PSME2: variants seen among roughly 807,000 people sequenced by gnomAD.
PSME2 encodes the protein proteasome activator complex subunit 2.
Under a neutral mutation model 38.8 loss-of-function variants are expected in PSME2, and 20 were observed. The observed-to-expected ratio is 0.52, with a 90% CI of 0.36 to 0.75. PSME2 has a LOEUF of 0.75. PSME2 is among the 30% of genes least tolerant of loss of function. The pLI, the probability that PSME2 is intolerant of heterozygous loss-of-function variation, is 0.00. For missense variants in PSME2, 227 were observed against 287.6 expected (o/e 0.79, Z 1.52); for synonymous variants, 82 against 102.5 (o/e 0.80, Z 1.21).
In PSME2 at chr14:24,143,533, C is replaced by T. The variant is rs2038107281; in HGVS notation, c.640-44G>A. 1.2e-5 allele frequency: 19 copies of T among 1,612,500 alleles called. No individual in the cohort carries two copies. The highest frequency in any genetic ancestry group is 1.6e-5 in the Non-Finnish European group (19 of 1,178,614). ...GCAAGAGTCAGGTTCTTAGCCAATC[C>T]CCTGCCTGCCCCCACTCATCCACCT... On this transcript the variant is annotated intron_variant, in intron 10 of 10. Transcript: ENST00000216802. This position sits in a 1 kb window ranked among gnomAD's most constrained non-coding sequence, Gnocchi z 4.4.
chr14:24,145,037 TCCC>T lies in PSME2; in HGVS notation c.360+18_360+20del. ...ACCTTGTGTGTCTTCTCTTTCTGCT[TCCC>T]CCATTTCCCAGGCTTACCAGAATGC... On this transcript the variant is annotated intron_variant, in intron 6 of 10. Coordinates refer to ENST00000216802, the MANE Select transcript of PSME2 (RefSeq NM_002818.3). 1 of 1,592,410 alleles carries T rather than the reference TCCC, an allele frequency of 6.3e-7. No homozygotes were observed.
At position 24,143,549 on chromosome 14, in the gene PSME2, T is replaced by A; in HGVS notation, c.639+36A>T. On this transcript the variant is annotated intron_variant, in intron 10 of 10. Coordinates refer to ENST00000216802, the MANE Select transcript of PSME2 (RefSeq NM_002818.3). The surrounding 1 kb of genome is among the most constrained non-coding windows in gnomAD (Gnocchi z 4.4). ...TAGCCAATCCCCTGCCTGCCCCCACTCATCCACCTCCCCTAAAGCCTTACT... is the reference window on the plus strand; with the variant it reads ...TAGCCAATCCCCTGCCTGCCCCCACACATCCACCTCCCCTAAAGCCTTACT... 1 of 1,612,834 alleles carries A rather than the reference T, an allele frequency of 6.2e-7. No homozygotes were observed. The highest frequency in any genetic ancestry group is 8.5e-7 in the Non-Finnish European group (1 of 1,178,924).
Position 24,144,219 on chromosome 14 carries a change from A to C in PSME2, c.470T>G (p.Val157Gly), listed in dbSNP as rs777382502. The C allele has an allele frequency of 6.2e-7, 1 of 1,614,126 alleles. No individual in the cohort carries two copies. The highest frequency in any genetic ancestry group is 8.5e-7 in the Non-Finnish European group (1 of 1,180,022). ...LERVNAVKTK[V>G]EAFQTTISKY... The stretch of plus-strand genomic sequence containing the variant: ...GGAAATGGTTGTCTGGAAAGCTTCC[A>C]CTTTGGTCTTGACGGCATTCACCCT... Residue 157 changes from valine to glycine, a missense_variant, in exon 8 of 11, where the codon GTG becomes GGG. Physicochemically the swap from Val to Gly is moderately radical, Grantham distance 109. Around this residue, in one of 3 missense-constraint regions of PSME2, gnomAD observed 99 missense variants for 113.9 expected, o/e 0.87. Coordinates refer to ENST00000216802, the MANE Select transcript of PSME2 (RefSeq NM_002818.3).
intron 6 of PSME2, 94 bp from the exon 7 acceptor site, chr14:24,144,562 G>T: frequency 1.6e-6 from 2 of 1,223,442 alleles, no homozygotes; most frequent in South Asian, 1.2e-5. Flanking sequence ...ATTTAATTGG[G>T]TACTTATTAC....
chr14:24,143,506 G>A lies in PSME2; in HGVS notation c.640-17C>T. 6.2e-7 allele frequency: 1 copy of A among 1,613,936 alleles called. No individual in the cohort carries two copies. Among genetic ancestry groups the A allele is most frequent in the South Asian group, 1.1e-5 (1 of 91,068 alleles). On this transcript the variant is annotated splice_polypyrimidine_tract_variant and intron_variant, in intron 10 of 10. Transcript: ENST00000216802. This position sits in a 1 kb window ranked among gnomAD's most constrained non-coding sequence, Gnocchi z 4.4. Reference sequence around the variant, plus strand: ...AAGCTCAGCCTGGGAGAAGGCCAGAGTGCAAGAGTCAGGTTCTTAGCCAAT... The same window carrying A: ...AAGCTCAGCCTGGGAGAAGGCCAGAATGCAAGAGTCAGGTTCTTAGCCAAT...
chr14:24,143,560 C>G lies in PSME2; in HGVS notation c.639+25G>C, dbSNP rs1213045058. On this transcript the variant is annotated intron_variant, in intron 10 of 10. Coordinates refer to ENST00000216802, the MANE Select transcript of PSME2 (RefSeq NM_002818.3). This position sits in a 1 kb window ranked among gnomAD's most constrained non-coding sequence, Gnocchi z 4.4. ...CTGCCTGCCCCCACTCATCCACCTCCCCTAAAGCCTTACTCCACACTCACA... is the reference window on the plus strand; with the variant it reads ...CTGCCTGCCCCCACTCATCCACCTCGCCTAAAGCCTTACTCCACACTCACA... 6.2e-7 allele frequency: 1 copy of G among 1,613,568 alleles called. No individual in the cohort carries two copies. The highest frequency in any genetic ancestry group is 1.1e-5 in the South Asian group (1 of 91,064).
At chr14:24,146,270 T>C in intron 1 of PSME2, 30 bp from the exon 2 acceptor site, 1 of 1,613,054 alleles carries the variant, frequency 6.2e-7, no homozygotes, top group Non-Finnish European at 8.5e-7. Context: ...CGGATGTTGG[T>C]TAAGGGTCTG....
Position 24,143,817 on chromosome 14 carries a change from G to A in PSME2, c.553-146C>T. 8 of 1,269,306 alleles carry A rather than the reference G, an allele frequency of 6.3e-6. No homozygotes were observed. The South Asian group carries it at 9.0e-5, about 14-fold the overall frequency. 78.6% of individuals were successfully genotyped at this position (1,269,306 alleles called of 1,614,324 possible). A position where few individuals can be genotyped will look rare whatever the true frequency, so the allele number is the denominator to read the frequency against. ...ATCCCAAAGGACTGAGCAGAGAAAAGGGTCAAGGTTGTTGAAGCCCAAACC... is the reference window on the plus strand; with the variant it reads ...ATCCCAAAGGACTGAGCAGAGAAAAAGGTCAAGGTTGTTGAAGCCCAAACC... On this transcript the variant is annotated intron_variant, in intron 9 of 10. Transcript: ENST00000216802. This position sits in a 1 kb window ranked among gnomAD's most constrained non-coding sequence, Gnocchi z 4.4.
rs1343807831 is a variant in PSME2, at chr14:24,143,470, A to C, written c.659T>G (p.Ile220Ser). The change falls in exon 11 of 11, where the codon ATC (isoleucine) becomes AGC (serine). Residue 220 changes from isoleucine (I) to serine (S), a missense_variant. Coordinates refer to ENST00000216802, the MANE Select transcript of PSME2 (RefSeq NM_002818.3). The surrounding 1 kb of genome is among the most constrained non-coding windows in gnomAD (Gnocchi z 4.4). ...GACAATTTTCTCCAGGTTGCTGCTGATGATATGATAAAGCTCAGCCTGGGA... is the reference window on the plus strand; with the variant it reads ...GACAATTTTCTCCAGGTTGCTGCTGCTGATATGATAAAGCTCAGCCTGGGA... Reference protein sequence around the residue: ...RAFYAELYHIISSNLEKIVNP... With the variant: ...RAFYAELYHISSSNLEKIVNP... The C allele has an allele frequency of 6.2e-7, 1 of 1,614,168 alleles. No individual in the cohort carries two copies. The highest frequency in any genetic ancestry group is 8.5e-7 in the Non-Finnish European group (1 of 1,180,028).
rs2038109927 is a variant in PSME2 at position 24,143,672 on chromosome 14, C to T, written c.553-1G>A. The stretch of plus-strand genomic sequence containing the variant: ...CATGCACCAAGGCCCGGTAATCCAT[C>T]TGCAATGTGGGAGGCAAAGCTGAGT... On this transcript the variant is annotated splice_acceptor_variant, in intron 9 of 10. Transcript: ENST00000216802. LOFTEE classifies it high-confidence loss of function. The surrounding 1 kb of genome is among the most constrained non-coding windows in gnomAD (Gnocchi z 4.4). 1 of 1,614,114 alleles carries T rather than the reference C, an allele frequency of 6.2e-7. No homozygotes were observed. The highest frequency in any genetic ancestry group is 8.5e-7 in the Non-Finnish European group (1 of 1,180,024).
chr14:24,144,146 G>C (rs1285337127), intron 8 of PSME2, 46 bp downstream of exon 8: 1 of 1,613,078 alleles, frequency 6.2e-7, no homozygotes, highest in Admixed American at 1.7e-5. Context: ...GGGTCCCAAA[G>C]AAATGCTCCT....
In PSME2 at chr14:24,145,153, G is replaced by A; in HGVS notation, c.265C>T (p.His89Tyr). The A allele has an allele frequency of 6.2e-7, 1 of 1,612,740 alleles. No homozygotes were observed. Among genetic ancestry groups the A allele is most frequent in the South Asian group, 1.1e-5 (1 of 91,022 alleles). Residue 89 changes from histidine to tyrosine, a missense_variant and splice_region_variant, in exon 6 of 11, where the codon CAT (histidine) becomes TAT (tyrosine). Physicochemically the swap from His to Tyr is moderately conservative, Grantham distance 83. Transcript: ENST00000216802. ...TTCCCAGGGAGAAATCCACACTTATGGACTGTGAGAAAGAGGGGATTCAGG... is the reference window on the plus strand; with the variant it reads ...TTCCCAGGGAGAAATCCACACTTATAGACTGTGAGAAAGAGGGGATTCAGG... ...ETDKQEKKEV[H>Y]KCGFLPGNEK...
At chr14:24,146,130 G>C (rs573167075) in intron 2 of PSME2, 78 bp downstream of exon 2, 1 of 1,538,022 alleles carries the variant, frequency 6.5e-7, no homozygotes, top group African/African-American at 1.4e-5. Flanking sequence ...GTGACTTGGG[G>C]GGGTCATTCT....
intron 6 of PSME2, 114 bp downstream of exon 6, chr14:24,144,944 G>A (rs887586945): frequency 5.4e-5 from 57 of 1,063,720 alleles, no homozygotes; most frequent in Non-Finnish European, 7.1e-5. Flanking sequence ...GGCACAGAAG[G>A]AAGTTTTCTT....
In PSME2 at chr14:24,143,984, C is replaced by A. The variant is rs1205181868; in HGVS notation, c.543G>T (p.Glu181Asp). 6.2e-7 allele frequency: 1 copy of A among 1,614,124 alleles called. No individual in the cohort carries two copies. Among genetic ancestry groups the A allele is most frequent in the South Asian group, 1.1e-5 (1 of 91,088 alleles). The change falls in exon 9 of 11, where the codon GAG becomes GAT. Residue 181 changes from glutamate (E) to aspartate (D), a missense_variant. By Grantham distance (45) the Glu-to-Asp change is conservative (BLOSUM62 2). Coordinates refer to ENST00000216802, the MANE Select transcript of PSME2 (RefSeq NM_002818.3). This position sits in a 1 kb window ranked among gnomAD's most constrained non-coding sequence, Gnocchi z 4.4. ...TGGACTATCCACTCACTACATGAGT[C>A]TCCTTGGAGGCCTTGGCCACAGCAT... ...RGDAVAKASK[E>D]THVMDYRALV...
At chr14:24,144,351 C>T (rs752471204) in intron 7 of PSME2, 49 bp downstream of exon 7, 14 of 1,607,006 alleles carry the variant, frequency 8.7e-6, no homozygotes, top group South Asian at 2.2e-5. Context: ...TCTAGCTCAC[C>T]CCCTGAGGCT....
At chr14:24,144,903 A>C (rs754956560) in intron 6 of PSME2, 155 bp downstream of exon 6, 12 of 756,000 alleles carry the variant, frequency 1.6e-5, no homozygotes, top group Admixed American at 9.2e-5. Flanking sequence ...GGTCTAACAG[A>C]ACGAGGAGAA....
At chr14:24,146,491 A>G (rs779615415) in intron 1 of PSME2, 43 bp downstream of exon 1, 3 of 1,613,070 alleles carry the variant, frequency 1.9e-6, no homozygotes, top group South Asian at 2.2e-5. Context: ...CCTCCACCCA[A>G]GAGGGTTCTA....
At chr14:24,144,152 C>T (rs764185013) in intron 8 of PSME2, 40 bp downstream of exon 8, 3 of 1,613,312 alleles carry the variant, frequency 1.9e-6, no homozygotes, top group Non-Finnish European at 2.5e-6. Flanking sequence ...CAAAGAAATG[C>T]TCCTACTGCC....
Sources: allele counts gnomAD v4.1 joint callset, GRCh38; gene constraint gnomAD v4.1.1; regional missense constraint gnomAD v4.1.1; non-coding constraint Gnocchi (gnomAD v3.1); transcripts MANE v1.5; gene names NCBI Gene and HGNC (gene_info 2026-07-23, HGNC 2026-07-21).